PIK3C3: variants seen among roughly 807,000 people sequenced by gnomAD.
The protein encoded by PIK3C3 is PI3-kinase type 3.
Under a neutral mutation model 126.1 loss-of-function variants are expected in PIK3C3, and 95 were observed. That is an observed-to-expected ratio of 0.75 (90% CI 0.64 to 0.89). The LOEUF (loss-of-function observed/expected upper bound fraction) is 0.89, where lower values mean the gene tolerates loss of function less well. Among genes scored for constraint, PIK3C3 ranks in the 40% least tolerant of loss-of-function variants. The pLI, the probability that PIK3C3 is intolerant of heterozygous loss-of-function variation, is 0.00. For missense variants in PIK3C3, 829 were observed against 1,063.2 expected, an observed-to-expected ratio of 0.78 and a Z score of 3.06; for synonymous variants, 374 against 360.0, an observed-to-expected ratio of 1.04 and a Z score of -0.44.
At position 41,990,514 on chromosome 18, in the gene PIK3C3, A is replaced by G. The variant is rs1290964768; in HGVS notation, c.674A>G (p.Lys225Arg). ...CTGATGGTTGAATTTCGATGTGTCA[A>G]GTGTGATGATAAGGAATATGGTATT... ...MYLMVEFRCVKCDDKEYGIVY... is the reference protein window; with the variant it reads ...MYLMVEFRCVRCDDKEYGIVY... The change falls in exon 6 of 25, where the codon AAG becomes AGG. Residue 225 changes from lysine to arginine, a missense_variant. This residue lies in a region of PIK3C3 where 313 missense variants were observed against 340.7 expected (regional missense o/e 0.92). Coordinates refer to ENST00000262039, the MANE Select transcript of PIK3C3 (RefSeq NM_002647.4). 3 of 1,604,538 alleles carry G rather than the reference A, an allele frequency of 1.9e-6. No individual in the cohort carries two copies. Among genetic ancestry groups the G allele is most frequent in the Admixed American group, 1.7e-5 (1 of 59,836 alleles).
At chr18:42,025,850 T>C (rs554774230) in intron 13 of PIK3C3, 1 of 152,030 alleles carries the variant, frequency 6.6e-6, no homozygotes, top group South Asian at 2.1e-4. Flanking sequence ...AGTGGAATTA[T>C]TCATTCAACA....
intron 22 of PIK3C3, among the ~76,000 whole-genome samples, chr18:42,063,441 C>T (rs1985405115): frequency 6.6e-6 from 1 of 152,140 alleles, no homozygotes; most frequent in Non-Finnish European, 1.5e-5. Context: ...ATGCATTTAT[C>T]AATTCCCACA....
chr18:41,955,646 A>G (rs968837691), intron 1 of PIK3C3, among the ~76,000 whole-genome samples: 1 of 152,194 alleles, frequency 6.6e-6, no homozygotes, highest in Non-Finnish European at 1.5e-5. Flanking sequence ...CAGCCTTTTG[A>G]GAGTTTATTA....
intron 9 of PIK3C3, among the ~76,000 whole-genome samples, chr18:41,999,224 A>G (rs150871123): frequency 1.8e-3 from 279 of 152,330 alleles, no homozygotes; most frequent in Admixed American, 4.6e-3. Flanking sequence ...TATAGCATGT[A>G]GGAAGTGACC....
chr18:41,957,609 A>G lies in PIK3C3; in HGVS notation c.108A>G (p.Lys36=). Residue 36 remains lysine (K), a synonymous_variant, in exon 2 of 25, where the codon AAA becomes AAG. Coordinates refer to ENST00000262039, the MANE Select transcript of PIK3C3 (RefSeq NM_002647.4). ...LEGKREQKSY[K]AVLEDPMLKF... is the part of the protein sequence containing the mutation. ...GGAAGAGAGAACAAAAGAGTTATAAAGCTGTCCTGGAAGACCCAATGTTGA... is the reference window on the plus strand; with the variant it reads ...GGAAGAGAGAACAAAAGAGTTATAAGGCTGTCCTGGAAGACCCAATGTTGA... The G allele has an allele frequency of 6.2e-7, 1 of 1,612,334 alleles. No homozygotes were observed.
chr18:42,042,133 CAG>C (rs762279803), intron 19 of PIK3C3, among the ~76,000 whole-genome samples: 1 of 152,202 alleles, frequency 6.6e-6, no homozygotes, highest in Non-Finnish European at 1.5e-5. Context: ...ACTTGCTTGA[CAG>C]AGGTTGCCTG....
At chr18:42,071,959 G>T (rs1985792329) in intron 24 of PIK3C3, among the ~76,000 whole-genome samples, 2 of 152,134 alleles carry the variant, frequency 1.3e-5, no homozygotes, top group South Asian at 4.1e-4. Flanking sequence ...TACATGGGAT[G>T]CTAAATAAGG....
intron 15 of PIK3C3, among the ~76,000 whole-genome samples, chr18:42,031,963 A>G (rs1983848408): frequency 6.6e-6 from 1 of 152,248 alleles, no homozygotes; most frequent in Non-Finnish European, 1.5e-5. Flanking sequence ...CAATAAATAA[A>G]TAAAATGTAT....
chr18:42,028,918 T>G (rs1983694362), intron 14 of PIK3C3, among the ~76,000 whole-genome samples: 2 of 152,244 alleles, frequency 1.3e-5, no homozygotes. Flanking sequence ...TGATTTTTAG[T>G]TCCTTGAAGA....
At chr18:42,045,461 T>C (rs1357151122) in intron 20 of PIK3C3, among the ~76,000 whole-genome samples, 1 of 152,188 alleles carries the variant, frequency 6.6e-6, no homozygotes, top group Non-Finnish European at 1.5e-5. Flanking sequence ...GATGGATCAC[T>C]CACATTATTG....
chr18:41,997,199 A>G (rs941287559), intron 9 of PIK3C3, among the ~76,000 whole-genome samples: 4 of 152,146 alleles, frequency 2.6e-5, no homozygotes, highest in Non-Finnish European at 5.9e-5. Context: ...TGCTTTTATA[A>G]TAACGAAACT....
At chr18:42,018,086 A>G (rs1983158597) in intron 12 of PIK3C3, among the ~76,000 whole-genome samples, 1 of 150,806 alleles carries the variant, frequency 6.6e-6, no homozygotes, top group Non-Finnish European at 1.5e-5. Flanking sequence ...TGATAATATT[A>G]TTGTTATTAT....
intron 12 of PIK3C3, 44 bp from the exon 13 acceptor site, chr18:42,020,594 C>G: frequency 1.7e-6 from 2 of 1,204,834 alleles, no homozygotes; most frequent in Non-Finnish European, 2.4e-6. Flanking sequence ...TCCCCCATTA[C>G]TAGTAGATGA....
At chr18:42,054,509 GAC>G (rs1984973309) in intron 21 of PIK3C3, among the ~76,000 whole-genome samples, 1 of 151,870 alleles carries the variant, frequency 6.6e-6, no homozygotes, top group African/African-American at 2.4e-5. Context: ...CACCCTCACA[GAC>G]ACACCCAGGA....
chr18:42,076,112 A>ATATATATGTG (rs1985979981), intron 24 of PIK3C3, among the ~76,000 whole-genome samples: 3 of 77,708 alleles, frequency 3.9e-5, no homozygotes, highest in African/African-American at 1.9e-4. Context: ...ATATATATAT[A>ATATATATGTG]TATATATATG....
intron 10 of PIK3C3, among the ~76,000 whole-genome samples, chr18:42,006,775 G>A (rs1982565540): frequency 6.6e-6 from 1 of 150,966 alleles, no homozygotes; most frequent in Non-Finnish European, 1.5e-5. Flanking sequence ...TTTATAGGCT[G>A]TTGTTCCCAT....
chr18:41,963,606 G>A (rs964645096), intron 3 of PIK3C3, among the ~76,000 whole-genome samples: 1 of 152,118 alleles, frequency 6.6e-6, no homozygotes, highest in Non-Finnish European at 1.5e-5. Flanking sequence ...TCCTTTCAGT[G>A]TGAAATGCTA....
intron 23 of PIK3C3, among the ~76,000 whole-genome samples, chr18:42,065,859 C>T (rs947302234): frequency 2.0e-5 from 3 of 152,172 alleles, no homozygotes; most frequent in Non-Finnish European, 4.4e-5. Context: ...TATTTATATA[C>T]AGTTAACCCT....
chr18:42,038,857 G>GTATT lies in PIK3C3; in HGVS notation c.2038+9_2038+12dup. On this transcript the variant is annotated splice_region_variant and intron_variant, in intron 18 of 24. Transcript: ENST00000262039. ...GCCACCAGTACAAAACATGGTAAGT[G>GTATT]TATTTTACATCATTATTATTTACTT... 1 of 1,524,236 alleles carries GTATT rather than the reference G, an allele frequency of 6.6e-7. No individual in the cohort carries two copies. The highest frequency in any genetic ancestry group is 9.0e-7 in the Non-Finnish European group (1 of 1,106,086). The allele number at this position is 1,524,236 out of a possible 1,614,324, so 94.4% of individuals were successfully genotyped here.
Sources: gnomAD v4.1 joint callset for allele counts (sites outside exome capture counted in the v4.1 genomes callset) on GRCh38, gnomAD v4.1.1 for gene constraint, gnomAD v4.1.1 regional missense constraint, MANE v1.5 for transcripts, NCBI Gene and HGNC (gene_info 2026-07-23, HGNC 2026-07-21) for gene names.